The following VPS13A variants were observed in gnomAD, a reference collection of about 807,000 sequenced individuals.
The protein encoded by VPS13A is intermembrane lipid transfer protein VPS13A.
A neutral mutation model predicts 390.9 loss-of-function variants in VPS13A; 264 were observed. The observed-to-expected ratio is 0.68, with a 90% CI of 0.61 to 0.75. The LOEUF (loss-of-function observed/expected upper bound fraction) is 0.75, where lower values mean the gene tolerates loss of function less well. Ranked by LOEUF, VPS13A falls within the 30% of genes least tolerant of loss-of-function variation. The pLI is 0.00. For synonymous variants in VPS13A, 1,231 were observed against 1,227.1 expected (o/e 1.00, Z -0.07); for missense variants, 3,409 against 3,733.9 (o/e 0.91, Z 2.27).
At chr9:77,319,800 C>A in intron 42 of VPS13A, 127 bp downstream of exon 42, 1 of 536,696 alleles carries the variant, frequency 1.9e-6, no homozygotes, top group Non-Finnish European at 3.2e-6. Flanking sequence ...CCGTATACCA[C>A]CTACTTCTGC....
At chr9:77,340,056 T>G in intron 48 of VPS13A, 122 bp from the exon 49 acceptor site, 1 of 1,336,586 alleles carries the variant, frequency 7.5e-7, no homozygotes, top group African/African-American at 1.5e-5. Flanking sequence ...AATTTAATAT[T>G]ATAAAGGTTT....
At chr9:77,401,329 T>TGTGTG (rs1834383525) in intron 68 of VPS13A, among the ~76,000 whole-genome samples, 3 of 140,432 alleles carry the variant, frequency 2.1e-5, no homozygotes, top group Non-Finnish European at 4.6e-5. Flanking sequence ...TCACATGAAG[T>TGTGTG]TGTGTGTGTG....
At chr9:77,178,050 T>G (rs935024010) in intron 1 of VPS13A, 19 of 439,082 alleles carry the variant, frequency 4.3e-5, no homozygotes, top group Non-Finnish European at 8.0e-5. Flanking sequence ...GTCTATATTT[T>G]CCGAGCGGAG....
At chr9:77,209,682 GT>G in intron 6 of VPS13A, 150 bp downstream of exon 6, 1 of 626,172 alleles carries the variant, frequency 1.6e-6, no homozygotes, top group Non-Finnish European at 2.8e-6. Flanking sequence ...TATAATTATA[GT>G]TGTAATTTGC....
chr9:77,307,989 G>A lies in VPS13A; in HGVS notation c.4005G>A (p.Leu1335=), dbSNP rs1450340756. 1 of 1,602,192 alleles carries A rather than the reference G, an allele frequency of 6.2e-7. No individual in the cohort carries two copies. The part of the protein sequence containing the change: ...QEDITTIFKT[L]HGNIWYEKDG... ...ATATAACAACTATTTTTAAAACATT[G>A]CATGGCAATATATGGTATGAAAAAG... Residue 1335 remains leucine, a synonymous_variant, in exon 35 of 72, where the codon TTG becomes TTA. Transcript: ENST00000360280.
chr9:77,322,751 A>G (rs188207549), intron 44 of VPS13A, among the ~76,000 whole-genome samples: 4 of 152,242 alleles, frequency 2.6e-5, no homozygotes, highest in African/African-American at 9.6e-5. Flanking sequence ...ACCAAAAGGT[A>G]TTATGCTCTG....
chr9:77,405,844 T>C lies in VPS13A; in HGVS notation c.9276-20T>C, dbSNP rs750326625. ...GCCTCAATTTTAAAGCGAATTCTTT[T>C]TTTGTTTTTCTTTTTGCAGTGGTGT... On this transcript the variant is annotated intron_variant, in intron 69 of 71. Transcript: ENST00000360280. The C allele has an allele frequency of 1.2e-6, 2 of 1,612,318 alleles. No individual in the cohort carries two copies. Among genetic ancestry groups the C allele is most frequent in the African/African-American group, 2.7e-5 (2 of 74,924 alleles).
intron 41 of VPS13A, among the ~76,000 whole-genome samples, chr9:77,318,971 C>T (rs144047505): frequency 9.9e-5 from 15 of 151,904 alleles, no homozygotes; most frequent in African/African-American, 2.2e-4. Context: ...GCAGAAGGAT[C>T]GCTTGAGCCC....
intron 10 of VPS13A, among the ~76,000 whole-genome samples, chr9:77,215,654 A>G (rs760481355): frequency 1.8e-4 from 28 of 152,224 alleles, no homozygotes; most frequent in Admixed American, 1.0e-3. Context: ...CTAAAGATAT[A>G]GACAGAAGAA....
At chr9:77,358,595 C>T (rs561420495) in intron 57 of VPS13A, among the ~76,000 whole-genome samples, 157 bp downstream of exon 57, 76 of 152,174 alleles carry the variant, frequency 5.0e-4, no homozygotes, top group African/African-American at 1.8e-3. Context: ...GTACTATACA[C>T]AACTAACTTT....
At chr9:77,324,086 C>T (rs1471392593) in intron 45 of VPS13A, among the ~76,000 whole-genome samples, 1 of 151,684 alleles carries the variant, frequency 6.6e-6, no homozygotes, top group Admixed American at 6.6e-5. Flanking sequence ...ATAAAATTGG[C>T]TTGTCCTTTA....
In VPS13A at chr9:77,191,102, T is replaced by C. The variant is rs182302071; in HGVS notation, c.101-8843T>C. 1.1e-3 allele frequency among the ~76,000 whole-genome samples: 166 copies of C among 152,226 alleles called. 1 individual carries two copies. Among genetic ancestry groups the C allele is most frequent in the African/African-American group, 3.9e-3 (162 of 41,548 alleles). Reference sequence around the variant, plus strand: ...GTGGCTAGCTTTGGGGTTGATTTGCTCATTTTTCTAGTTCCTCTAGGCATG... The same window carrying C: ...GTGGCTAGCTTTGGGGTTGATTTGCCCATTTTTCTAGTTCCTCTAGGCATG... On this transcript the variant is annotated intron_variant, in intron 1 of 71. Transcript: ENST00000360280.
chr9:77,403,208 C>G, intron 68 of VPS13A, 28 bp from the exon 69 acceptor site: 1 of 1,538,866 alleles, frequency 6.5e-7, no homozygotes. Context: ...TATCAATTTT[C>G]TCATTGTCTC....
At chr9:77,400,563 C>T (rs1383930568) in intron 68 of VPS13A, among the ~76,000 whole-genome samples, 23 of 151,818 alleles carry the variant, frequency 1.5e-4, no homozygotes, top group Admixed American at 1.4e-3. Flanking sequence ...CGCGGTGGCT[C>T]ATGCCTGTAA....
In VPS13A at chr9:77,201,376, T is replaced by C; in HGVS notation, c.156T>C (p.Asp52=). 1 of 1,609,642 alleles carries C rather than the reference T, an allele frequency of 6.2e-7. No individual in the cohort carries two copies. The highest frequency in any genetic ancestry group is 8.5e-7 in the Non-Finnish European group (1 of 1,176,168). ...AATTTTTTCTGTAGAGTCAACTGGA[T>C]GTACCATTTAAAGTTAAAGTTGGTC... The part of the protein sequence containing the change: ...QIKENALSQL[D]VPFKVKVGHI... Residue 52 remains aspartate (D), a synonymous_variant, in exon 3 of 72, where the codon GAT becomes GAC. Transcript: ENST00000360280.
intron 59 of VPS13A, among the ~76,000 whole-genome samples, chr9:77,364,430 AAAAC>A (rs912672186): frequency 7.2e-5 from 11 of 152,092 alleles, no homozygotes; most frequent in South Asian, 6.2e-4. Flanking sequence ...CGTCTCGAAA[AAAAC>A]AAACAAACAA....
At chr9:77,255,630 C>T (rs1254611482) in intron 22 of VPS13A, among the ~76,000 whole-genome samples, 4 of 152,012 alleles carry the variant, frequency 2.6e-5, no homozygotes, top group East Asian at 1.9e-4. Context: ...ACTATTGAAG[C>T]GATCAGATCG....
At chr9:77,229,706 T>C (rs993404834) in intron 17 of VPS13A, among the ~76,000 whole-genome samples, 1 of 152,182 alleles carries the variant, frequency 6.6e-6, no homozygotes, top group East Asian at 1.9e-4. Context: ...TCTTTTTGGC[T>C]CTTCTGAGTA....
intron 13 of VPS13A, 130 bp from the exon 14 acceptor site, chr9:77,225,796 G>A: frequency 1.5e-6 from 1 of 682,412 alleles, no homozygotes; most frequent in Non-Finnish European, 2.6e-6. Context: ...GTATTATATT[G>A]ATGAATGTTC....
Sources: gnomAD v4.1 joint callset for allele counts (sites outside exome capture counted in the v4.1 genomes callset) on GRCh38, gnomAD v4.1.1 for gene constraint, MANE v1.5 for transcripts, NCBI Gene and HGNC (gene_info 2026-07-23, HGNC 2026-07-21) for gene names.